Variants in CHLSN observed in about 807,000 individuals in gnomAD.
CHLSN encodes the protein cholesin, also known as protein cholesin.
At chr7:984,917 C>T in the CHLSN span, 1 of 1,553,006 alleles carries the variant, frequency 6.4e-7, no homozygotes, top group Non-Finnish European at 8.7e-7. Flanking sequence ...GGGGTGGGAA[C>T]CTGGGCTCAC....
chr7:1,057,025 C>A, the CHLSN span, among the ~76,000 whole-genome samples: 1 of 152,148 alleles, frequency 6.6e-6, no homozygotes, highest in Non-Finnish European at 1.5e-5. Context: ...TGCAAGGACT[C>A]CAAGGCACCG....
At chr7:1,055,317 G>T in the CHLSN span, 6 of 471,038 alleles carry the variant, frequency 1.3e-5, no homozygotes, top group Non-Finnish European at 2.6e-5. Flanking sequence ...TCACACGCAC[G>T]CGCAGGCGGC....
At chr7:1,082,271 C>T in the CHLSN span, 4 of 152,280 alleles carry the variant, frequency 2.6e-5, no homozygotes. Flanking sequence ...GACGTCCCCT[C>T]ACGGTAAGGT....
At chr7:1,015,580 A>G in the CHLSN span, among the ~76,000 whole-genome samples, 1 of 152,218 alleles carries the variant, frequency 6.6e-6, no homozygotes, top group Non-Finnish European at 1.5e-5. Flanking sequence ...AGGAGGGCAG[A>G]GTGGGGAGAC....
chr7:1,009,835 T>C, the CHLSN span: 5 of 928,370 alleles, frequency 5.4e-6, no homozygotes, highest in South Asian at 5.3e-5. Flanking sequence ...TGAACGCTCA[T>C]ACCTCACTGC....
chr7:1,093,483 C>A, the CHLSN span: 1 of 469,858 alleles, frequency 2.1e-6, no homozygotes, highest in South Asian at 1.5e-5. Context: ...ACCAGGCCCA[C>A]GAGGAGCAGC....
the CHLSN span, chr7:986,481 G>C: frequency 1.1e-6 from 1 of 929,440 alleles, no homozygotes; most frequent in Non-Finnish European, 1.6e-6. Context: ...GAGGGCTAAG[G>C]GTCCCCCCGT....
the CHLSN span, among the ~76,000 whole-genome samples, chr7:996,192 C>T: frequency 5.9e-5 from 9 of 152,320 alleles, no homozygotes; most frequent in East Asian, 1.5e-3. Context: ...GCAGTGGCCA[C>T]GGGAAGCCCC....
chr7:1,030,740 CT>C, the CHLSN span, among the ~76,000 whole-genome samples: 1 of 22,598 alleles, frequency 4.4e-5, no homozygotes, highest in African/African-American at 8.7e-4. Context: ...GGGGGGGACT[CT>C]CTCTCTCTCC....
chr7:1,065,948 G>C, the CHLSN span, among the ~76,000 whole-genome samples: 1 of 152,226 alleles, frequency 6.6e-6, no homozygotes, highest in East Asian at 1.9e-4. Context: ...TCCAGTGGCC[G>C]TCGGGGTGCC....
chr7:994,746 T>C, the CHLSN span, among the ~76,000 whole-genome samples: 1 of 152,240 alleles, frequency 6.6e-6, no homozygotes, highest in South Asian at 2.1e-4. Flanking sequence ...GCATGAGTTA[T>C]CAGTGTGTGG....
chr7:1,119,850 C>T, the CHLSN span, among the ~76,000 whole-genome samples: 3 of 147,274 alleles, frequency 2.0e-5, no homozygotes, highest in African/African-American at 7.6e-5. Flanking sequence ...GCACTCCAGC[C>T]TGGGCAACAA....
the CHLSN span, among the ~76,000 whole-genome samples, chr7:1,125,881 C>A: frequency 1.3e-5 from 2 of 152,164 alleles, no homozygotes; most frequent in African/African-American, 4.8e-5. Context: ...GTGAAAATTC[C>A]TAATCTATTA....
chr7:988,986 C>A, the CHLSN span: 59 of 581,360 alleles, frequency 1.0e-4, no homozygotes, highest in South Asian at 9.5e-4. Flanking sequence ...CCGGTTACAC[C>A]CAGGACTACC....
the CHLSN span, among the ~76,000 whole-genome samples, chr7:1,016,881 A>AGC: frequency 7.5e-6 from 1 of 132,722 alleles, no homozygotes; most frequent in Non-Finnish European, 1.6e-5. Flanking sequence ...AGCGCACAGC[A>AGC]GCACACACCA....
chr7:1,110,850 C>CAA, the CHLSN span, among the ~76,000 whole-genome samples: 1 of 148,616 alleles, frequency 6.7e-6, no homozygotes, highest in East Asian at 2.0e-4. Flanking sequence ...AGGCAATTCA[C>CAA]AAAAAAAAAC....
At chr7:1,125,560 T>C in the CHLSN span, among the ~76,000 whole-genome samples, 1 of 151,944 alleles carries the variant, frequency 6.6e-6, no homozygotes, top group African/African-American at 2.4e-5. Flanking sequence ...ATCCTGAAAA[T>C]ATGTGCCCAA....
At chr7:1,012,796 C>A in the CHLSN span, among the ~76,000 whole-genome samples, 1 of 152,172 alleles carries the variant, frequency 6.6e-6, no homozygotes, top group Non-Finnish European at 1.5e-5. Context: ...CTCCACTCTG[C>A]GCCATCGGCT....
At chr7:1,088,601 C>T in the CHLSN span, among the ~76,000 whole-genome samples, 1 of 152,234 alleles carries the variant, frequency 6.6e-6, no homozygotes, top group African/African-American at 2.4e-5. The surrounding 1 kb of genome is among the most constrained non-coding windows in gnomAD (Gnocchi z 4.5). Flanking sequence ...TCTGTCCCAG[C>T]AAGAACGTGT....
Sources: allele counts gnomAD v4.1 joint callset (sites outside exome capture counted in the v4.1 genomes callset), GRCh38; gene constraint gnomAD v4.1.1; non-coding constraint Gnocchi (gnomAD v3.1); transcripts MANE v1.5; gene names NCBI Gene and HGNC (gene_info 2026-07-23, HGNC 2026-07-21).